The following TTC24 variants were observed in gnomAD, a reference collection of about 807,000 sequenced individuals.
TTC24 encodes the protein tetratricopeptide repeat protein 24.
TTC24 carries 54 observed loss-of-function variants against 63.3 expected under a neutral mutation model. The observed-to-expected ratio is 0.85, with a 90% CI of 0.69 to 1.07. The LOEUF (loss-of-function observed/expected upper bound fraction) is 1.07. Ranked by LOEUF, TTC24 falls within the 50% of genes least tolerant of loss-of-function variation. TTC24 has a pLI of 0.00. For synonymous variants in TTC24, 276 were observed against 304.3 expected, an observed-to-expected ratio of 0.91 and a Z score of 0.97; for missense variants, 680 against 730.5, an observed-to-expected ratio of 0.93 and a Z score of 0.80.
Position 156,585,814 on chromosome 1 carries a change from G to A in TTC24, c.1558G>A (p.Ala520Thr), listed in dbSNP as rs866658135. Residue 520 changes from alanine (A) to threonine (T), a missense_variant, in exon 9 of 11, where the codon GCC (alanine) becomes ACC (threonine). By Grantham distance (58) the Ala-to-Thr change is moderately conservative. Transcript: ENST00000368236. Reference protein sequence around the residue: ...TPCRGTVLGKASIYSPGPRAH... With the variant: ...TPCRGTVLGKTSIYSPGPRAH... ...CTGCAGAGGGACAGTCCTCGGCAAAGCCTCCATCTATAGTGAGCAGTGCAT... is the reference window on the plus strand; with the variant it reads ...CTGCAGAGGGACAGTCCTCGGCAAAACCTCCATCTATAGTGAGCAGTGCAT... 6.2e-6 allele frequency: 10 copies of A among 1,613,548 alleles called. No homozygotes were observed. Among genetic ancestry groups the A allele is most frequent in the African/African-American group, 1.3e-5 (1 of 75,034 alleles).
Position 156,581,523 on chromosome 1 carries a change from T to G in TTC24, c.159T>G (p.His53Gln), listed in dbSNP as rs562065504. Reference sequence around the variant, plus strand: ...GGGCCCTTCAGGCTGGCCAGAACCATGAAGCCTTGAACAACTTCCAGAGGG... The same window carrying G: ...GGGCCCTTCAGGCTGGCCAGAACCAGGAAGCCTTGAACAACTTCCAGAGGG... ...GHGALQAGQN[H>Q]EALNNFQRAF... is the part of the protein sequence containing the mutation. The change falls in exon 2 of 11, where the codon CAT becomes CAG. Residue 53 changes from histidine (H) to glutamine (Q), a missense_variant. By Grantham distance (24) the His-to-Gln change is conservative. Coordinates refer to ENST00000368236, the MANE Select transcript of TTC24 (RefSeq NM_001105669.4). 4.5e-6 allele frequency: 7 copies of G among 1,551,376 alleles called. No individual in the cohort carries two copies. The East Asian group carries it at 1.2e-4, about 27-fold the overall frequency.
chr1:156,586,577 T>A lies in TTC24; in HGVS notation c.*27T>A, dbSNP rs1677182277. 2 of 1,600,678 alleles carry A rather than the reference T, an allele frequency of 1.2e-6. No individual in the cohort carries two copies. The highest frequency in any genetic ancestry group is 4.5e-5 in the East Asian group (2 of 44,636). On this transcript the variant is annotated 3_prime_UTR_variant, in exon 11 of 11. Coordinates refer to ENST00000368236, the MANE Select transcript of TTC24 (RefSeq NM_001105669.4). ...CTCCCCCTGCCAGCCTCAGCCCTCATCCCTGAAGCACCTGTCCAACACGCA... is the reference window on the plus strand; with the variant it reads ...CTCCCCCTGCCAGCCTCAGCCCTCAACCCTGAAGCACCTGTCCAACACGCA...
Position 156,581,698 on chromosome 1 carries a change from C to T in TTC24, c.334C>T (p.Gln112Ter). The T allele has an allele frequency of 1.3e-6, 2 of 1,551,796 alleles. No individual in the cohort carries two copies. The highest frequency in any genetic ancestry group is 1.7e-6 in the Non-Finnish European group (2 of 1,147,020). Residue 112 changes from glutamine to a stop codon, truncating the protein, a stop_gained, in exon 2 of 11, where the codon CAG becomes TAG. Transcript: ENST00000368236. LOFTEE classifies it high-confidence loss of function. ...LLRAHPEEKA[Q>*]GRRHGDQCFN... Reference sequence around the variant, plus strand: ...GCGAGCCCACCCTGAAGAGAAGGCACAGGGCAGGCGACACGGCGACCAATG... The same window carrying T: ...GCGAGCCCACCCTGAAGAGAAGGCATAGGGCAGGCGACACGGCGACCAATG...
In TTC24 at chr1:156,585,203, G is replaced by T. The variant is rs376431462; in HGVS notation, c.1428G>T (p.Pro476=). The change falls in exon 8 of 11, where the codon CCG becomes CCT. Residue 476 remains proline, a synonymous_variant. Coordinates refer to ENST00000368236, the MANE Select transcript of TTC24 (RefSeq NM_001105669.4). ...KKKEERSANV[P]VRAGPGRPEL... ...AAGAGGAGAGGTCGGCAAACGTTCCGGTGAGGGCTGGGCCGGGAAGACCAG... is the reference window on the plus strand; with the variant it reads ...AAGAGGAGAGGTCGGCAAACGTTCCTGTGAGGGCTGGGCCGGGAAGACCAG... The T allele has an allele frequency of 6.2e-7, 1 of 1,613,172 alleles. No individual in the cohort carries two copies. Among genetic ancestry groups the T allele is most frequent in the Admixed American group, 1.7e-5 (1 of 59,890 alleles).
chr1:156,582,232 G>A lies in TTC24; in HGVS notation c.708G>A (p.Gly236=), dbSNP rs779256685. The A allele has an allele frequency of 1.9e-6, 3 of 1,550,074 alleles. No homozygotes were observed. Among genetic ancestry groups the A allele is most frequent in the Non-Finnish European group, 2.6e-6 (3 of 1,145,896 alleles). Residue 236 remains glycine (G), a splice_region_variant and synonymous_variant, in exon 3 of 11, where the codon GGG becomes GGA. Transcript: ENST00000368236. ...AERSTERRLL[G]HLYNDLGLGY... ...AGTGACCCTGGCTATTCCCTCTAGG[G>A]CACCTCTATAACGATCTAGGCCTGG...
intron 1 of TTC24, 90 bp from the exon 2 acceptor site, chr1:156,581,271 G>A: frequency 1.1e-6 from 1 of 908,824 alleles, no homozygotes; most frequent in Non-Finnish European, 1.6e-6. Flanking sequence ...TCATGCTAGG[G>A]CAGGGGTAGA....
At chr1:156,580,570 C>T (rs1251532420) in intron 1 of TTC24, among the ~76,000 whole-genome samples, 7 of 152,202 alleles carry the variant, frequency 4.6e-5, no homozygotes, top group Admixed American at 2.0e-4. Context: ...CTCCACCTCC[C>T]GGGTTCAAGC....
chr1:156,584,703 A>C (rs1265689766), intron 6 of TTC24, 174 bp from the exon 7 acceptor site: 1 of 445,404 alleles, frequency 2.2e-6, no homozygotes, highest in Non-Finnish European at 4.0e-6. Context: ...CAAGCCTGAG[A>C]GTTACTAGCA....
chr1:156,582,279 T>C lies in TTC24; in HGVS notation c.755T>C (p.Phe252Ser), dbSNP rs1677020708. Residue 252 changes from phenylalanine (F) to serine (S), a missense_variant, in exon 3 of 11, where the codon TTC becomes TCC. Coordinates refer to ENST00000368236, the MANE Select transcript of TTC24 (RefSeq NM_001105669.4). ...CTGGGCTACTCCCAGCTCCAGCTGTTCCCGCTGGCCGTGGAGGCCTTCCTG... is the reference window on the plus strand; with the variant it reads ...CTGGGCTACTCCCAGCTCCAGCTGTCCCCGCTGGCCGTGGAGGCCTTCCTG... Reference protein sequence around the residue: ...LGLGYSQLQLFPLAVEAFLQA... With the variant: ...LGLGYSQLQLSPLAVEAFLQA... 4 of 1,560,022 alleles carry C rather than the reference T, an allele frequency of 2.6e-6. No homozygotes were observed. Among genetic ancestry groups the C allele is most frequent in the Non-Finnish European group, 3.5e-6 (4 of 1,152,288 alleles).
Position 156,585,958 on chromosome 1 carries a change from C to T in TTC24, c.1580C>T (p.Pro527Leu). Residue 527 changes from proline (P) to leucine (L), a missense_variant, in exon 10 of 11, where the codon CCC becomes CTC. By Grantham distance (98) the Pro-to-Leu change is moderately conservative. Transcript: ENST00000368236. ...GTCCTTCTCCATCTAGGTCCAGGACCCAGGGCCCATCTTCCATTTGTAGGT... is the reference window on the plus strand; with the variant it reads ...GTCCTTCTCCATCTAGGTCCAGGACTCAGGGCCCATCTTCCATTTGTAGGT... ...LGKASIYSPG[P>L]RAHLPFVGPG... is the part of the protein sequence containing the mutation. 1.9e-6 allele frequency: 3 copies of T among 1,601,588 alleles called. No individual in the cohort carries two copies. The highest frequency in any genetic ancestry group is 2.6e-6 in the Non-Finnish European group (3 of 1,173,642).
chr1:156,581,716 G>A lies in TTC24; in HGVS notation c.352G>A (p.Asp118Asn), dbSNP rs1376711350. 11 of 1,551,756 alleles carry A rather than the reference G, an allele frequency of 7.1e-6. No individual in the cohort carries two copies. The highest frequency in any genetic ancestry group is 9.6e-6 in the Non-Finnish European group (11 of 1,147,024). ...GAAGGCACAGGGCAGGCGACACGGCGACCAATGTTTCAATGTGGCTTTGGC... is the reference window on the plus strand; with the variant it reads ...GAAGGCACAGGGCAGGCGACACGGCAACCAATGTTTCAATGTGGCTTTGGC... ...EEKAQGRRHG[D>N]QCFNVALAYH... The change falls in exon 2 of 11, where the codon GAC becomes AAC. Residue 118 changes from aspartate (D) to asparagine (N), a missense_variant. Physicochemically the swap from Asp to Asn is conservative, Grantham distance 23 (BLOSUM62 1). Transcript: ENST00000368236.
chr1:156,584,020 G>A (rs904138718), intron 6 of TTC24, 125 bp downstream of exon 6: 24 of 774,198 alleles, frequency 3.1e-5, no homozygotes, highest in Middle Eastern at 3.2e-4. Context: ...GTGTTCATCC[G>A]CCTTGAGCCT....
intron 9 of TTC24, 61 bp downstream of exon 9, chr1:156,585,887 C>T (rs569002967): frequency 1.3e-6 from 2 of 1,595,494 alleles, no homozygotes; most frequent in South Asian, 1.1e-5. Context: ...AGCTTTTTTC[C>T]ACCATGATAG....
At chr1:156,582,930 TG>T in intron 3 of TTC24, 111 bp from the exon 4 acceptor site, 1 of 1,392,188 alleles carries the variant, frequency 7.2e-7, no homozygotes, top group Non-Finnish European at 9.7e-7. Context: ...TGGAGTGTTC[TG>T]GGGCTGGGCA....
chr1:156,579,879 T>C (rs926705179), intron 1 of TTC24, 121 bp downstream of exon 1: 1 of 152,096 alleles, frequency 6.6e-6, no homozygotes, highest in Non-Finnish European at 1.5e-5. Flanking sequence ...GAATTTCTTT[T>C]AAAAGAGACT....
intron 10 of TTC24, 26 bp downstream of exon 10, chr1:156,586,071 G>T (rs1348090107): frequency 6.7e-6 from 10 of 1,484,560 alleles, no homozygotes; most frequent in Non-Finnish European, 8.3e-6. Context: ...AAAGAAGGAG[G>T]CCTGGAGAAT....
chr1:156,585,737 A>G lies in TTC24; in HGVS notation c.1481A>G (p.Asn494Ser), dbSNP rs376100292. ...PELCFLPGTV[N>S]HSHHLASSCP... Reference sequence around the variant, plus strand: ...GTGTGTTTCCTTCCAGGCACAGTGAATCATTCGCACCATCTAGCTTCTAGT... The same window carrying G: ...GTGTGTTTCCTTCCAGGCACAGTGAGTCATTCGCACCATCTAGCTTCTAGT... Residue 494 changes from asparagine to serine, a missense_variant, in exon 9 of 11, where the codon AAT becomes AGT. Coordinates refer to ENST00000368236, the MANE Select transcript of TTC24 (RefSeq NM_001105669.4). 28 of 1,613,792 alleles carry G rather than the reference A, an allele frequency of 1.7e-5. No individual in the cohort carries two copies. In the African/African-American group the frequency reaches 3.6e-4, roughly 21 times the overall value.
At position 156,581,773 on chromosome 1, in the gene TTC24, T is replaced by G. The variant is rs1267105237; in HGVS notation, c.409T>G (p.Leu137Val). The change falls in exon 2 of 11, where the codon TTG becomes GTG. Residue 137 changes from leucine (L) to valine (V), a missense_variant. By Grantham distance (32) the Leu-to-Val change is conservative. Transcript: ENST00000368236. ...TGCCCTCGGCGAGCTGCCTCAAGCT[T>G]TGGCCTGGTACCACAGGGCCCTGGG... ...YHALGELPQA[L>V]AWYHRALGHY... The G allele has an allele frequency of 1.3e-6, 2 of 1,551,638 alleles. No homozygotes were observed. Among genetic ancestry groups the G allele is most frequent in the Non-Finnish European group, 1.7e-6 (2 of 1,146,994 alleles).
At chr1:156,581,298 G>C in intron 1 of TTC24, 63 bp from the exon 2 acceptor site, 1 of 1,262,254 alleles carries the variant, frequency 7.9e-7, no homozygotes, top group South Asian at 1.6e-5. Flanking sequence ...TTGCCCTAAG[G>C]GGGTCCTGCT....
Sources: gnomAD v4.1 joint callset for allele counts (sites outside exome capture counted in the v4.1 genomes callset) on GRCh38, gnomAD v4.1.1 for gene constraint, MANE v1.5 for transcripts, NCBI Gene and HGNC (gene_info 2026-07-23, HGNC 2026-07-21) for gene names.